The following SNTG1 variants were observed in gnomAD, a reference collection of about 807,000 sequenced individuals.
SNTG1 encodes syntrophin gamma 1.
SNTG1 carries 39 observed loss-of-function variants against 74.7 expected under a neutral mutation model. The observed-to-expected ratio is 0.52, with a 90% CI of 0.40 to 0.68. The LOEUF (loss-of-function observed/expected upper bound fraction) is 0.68. SNTG1 is among the 30% of genes least tolerant of loss of function. The probability of loss-of-function intolerance (pLI) is 0.00; values close to 1 mark genes in which losing one functional copy is unlikely to be tolerated. For missense variants in SNTG1, 685 were observed against 609.5 expected (o/e 1.12, Z -1.30); for synonymous variants, 254 against 217.1 (o/e 1.17, Z -1.49).
At chr8:50,080,109 C>A (rs1480610364) in intron 1 of SNTG1, among the ~76,000 whole-genome samples, 1 of 152,050 alleles carries the variant, frequency 6.6e-6, no homozygotes, top group Admixed American at 6.5e-5. Flanking sequence ...TGATCTTTAA[C>A]TTGTGACTTT....
intron 15 of SNTG1, among the ~76,000 whole-genome samples, chr8:50,668,449 TTAGCTAGATCTTGTCTAGAGATACC>T: frequency 6.6e-6 from 1 of 151,278 alleles, no homozygotes; most frequent in East Asian, 1.9e-4. Context: ...TCTGATTCTT[TTAGCTAGATCTTGTCTAGAGATACC>T]TATGTTCTTC....
At chr8:49,946,661 C>G (rs1474321814) in intron 1 of SNTG1, among the ~76,000 whole-genome samples, 1 of 152,050 alleles carries the variant, frequency 6.6e-6, no homozygotes, top group Non-Finnish European at 1.5e-5. Context: ...TTAAGTCTCA[C>G]AATATTTTTT....
intron 1 of SNTG1, among the ~76,000 whole-genome samples, chr8:49,941,066 A>C (rs1416821020): frequency 3.9e-5 from 6 of 152,166 alleles, no homozygotes; most frequent in Non-Finnish European, 8.8e-5. Flanking sequence ...TGTGGGATGC[A>C]TCTGAGTGGG....
intron 2 of SNTG1, among the ~76,000 whole-genome samples, chr8:50,300,885 A>G (rs1304132593): frequency 6.6e-6 from 1 of 152,166 alleles, no homozygotes; most frequent in Non-Finnish European, 1.5e-5. Flanking sequence ...ACACTTTAAA[A>G]ACATCCTTCT....
Position 50,710,446 on chromosome 8 carries a change from T to C in SNTG1, c.1284+1468T>C, listed in dbSNP as rs188615497. ...TTAAATGAGTAATAAGTTAATTTTA[T>C]AAATAAATTTAGAAACAAATTTCAC... On this transcript the variant is annotated intron_variant, in intron 17 of 18. Coordinates refer to ENST00000642720, the MANE Select transcript of SNTG1 (RefSeq NM_018967.5). Among the ~76,000 whole-genome samples the C allele has an allele frequency of 9.1e-4, 138 of 152,274 alleles. 2 individuals carry two copies. Among genetic ancestry groups the C allele is most frequent in the Middle Eastern group, 6.8e-3 (2 of 294 alleles).
chr8:50,199,798 G>A (rs761360816), intron 2 of SNTG1, among the ~76,000 whole-genome samples: 1 of 152,148 alleles, frequency 6.6e-6, no homozygotes, highest in South Asian at 2.1e-4. Context: ...TCTTAGCAGA[G>A]AGTGCAAAAT....
intron 2 of SNTG1, among the ~76,000 whole-genome samples, chr8:50,222,516 C>T (rs1458482262): frequency 6.6e-6 from 1 of 152,176 alleles, no homozygotes; most frequent in African/African-American, 2.4e-5. Context: ...TTCTAACTCT[C>T]TGAAAATATA....
intron 2 of SNTG1, among the ~76,000 whole-genome samples, chr8:50,326,272 A>G (rs923057943): frequency 1.1e-4 from 16 of 152,034 alleles, no homozygotes; most frequent in African/African-American, 3.6e-4. Flanking sequence ...GAAAATTGGT[A>G]TAATTTCTTC....
chr8:50,277,784 TAA>T (rs1046486698), intron 2 of SNTG1, among the ~76,000 whole-genome samples: 13 of 152,206 alleles, frequency 8.5e-5, no homozygotes, highest in African/African-American at 2.4e-5. Context: ...TTGTATAAAT[TAA>T]GTTTTTATTA....
intron 13 of SNTG1, among the ~76,000 whole-genome samples, chr8:50,614,355 A>G (rs1037850250): frequency 2.0e-5 from 3 of 152,118 alleles, no homozygotes; most frequent in Non-Finnish European, 4.4e-5. Context: ...CTAGATAAGA[A>G]GGCCTACAAT....
chr8:50,626,916 T>A (rs754593395), intron 13 of SNTG1, among the ~76,000 whole-genome samples: 1 of 152,178 alleles, frequency 6.6e-6, no homozygotes, highest in East Asian at 1.9e-4. Context: ...ATGTTTTATC[T>A]TTTTGAGTCA....
intron 2 of SNTG1, among the ~76,000 whole-genome samples, chr8:50,355,825 T>C (rs756585157): frequency 1.1e-4 from 16 of 152,212 alleles, no homozygotes; most frequent in Non-Finnish European, 1.9e-4. Flanking sequence ...ACAGTACATT[T>C]AATCTGTTCA....
At chr8:50,075,744 G>C (rs1031428107) in intron 1 of SNTG1, among the ~76,000 whole-genome samples, 8 of 152,188 alleles carry the variant, frequency 5.3e-5, no homozygotes, top group Admixed American at 5.2e-4. Flanking sequence ...TTTCTCCTGA[G>C]GCCAGCAAGA....
intron 15 of SNTG1, among the ~76,000 whole-genome samples, chr8:50,679,105 G>A (rs909723359): frequency 1.3e-5 from 2 of 152,008 alleles, no homozygotes; most frequent in Non-Finnish European, 2.9e-5. Context: ...GTTTGCACTG[G>A]ATAACAGCCT....
At chr8:50,126,261 C>T (rs931655273) in intron 1 of SNTG1, among the ~76,000 whole-genome samples, 1 of 152,080 alleles carries the variant, frequency 6.6e-6, no homozygotes, top group Non-Finnish European at 1.5e-5. Context: ...GGCCTTTGGA[C>T]TCAGACTGGC....
intron 1 of SNTG1, among the ~76,000 whole-genome samples, chr8:49,999,081 A>G (rs6984357): frequency 0.051 from 7,823 of 152,236 alleles, 662 homozygotes; most frequent in African/African-American, 0.17. Context: ...AACTGCTTTC[A>G]TATATGGTGT....
chr8:50,543,160 T>C (rs2094360812), intron 11 of SNTG1, among the ~76,000 whole-genome samples: 1 of 152,218 alleles, frequency 6.6e-6, no homozygotes, highest in Admixed American at 6.5e-5. Context: ...CCCAGACTAA[T>C]GTCCCAGAGC....
rs117437772 is a variant in SNTG1, at chr8:50,775,750, C to T, written c.1396-16921C>T. On this transcript the variant is annotated intron_variant, in intron 18 of 18. Coordinates refer to ENST00000642720, the MANE Select transcript of SNTG1 (RefSeq NM_018967.5). Reference sequence around the variant, plus strand: ...GTAATTGTGTATTTATCCATTTCACCTTTCAATTCTATCAGTTTCTGCATT... The same window carrying T: ...GTAATTGTGTATTTATCCATTTCACTTTTCAATTCTATCAGTTTCTGCATT... Among the ~76,000 whole-genome samples the T allele has an allele frequency of 1.3e-3, 203 of 151,706 alleles. 3 individuals are homozygous for T. In the East Asian group the frequency reaches 0.037, roughly 28 times the overall value.
At chr8:49,979,003 C>G (rs1392612088) in intron 1 of SNTG1, among the ~76,000 whole-genome samples, 1 of 152,200 alleles carries the variant, frequency 6.6e-6, no homozygotes, top group Non-Finnish European at 1.5e-5. Context: ...AAATCACAAG[C>G]TTGGGAGAAT....
Sources: gnomAD v4.1 joint callset for allele counts (sites outside exome capture counted in the v4.1 genomes callset) on GRCh38, gnomAD v4.1.1 for gene constraint, MANE v1.5 for transcripts, NCBI Gene and HGNC (gene_info 2026-07-23, HGNC 2026-07-21) for gene names.